Variants in CARD14 observed in about 807,000 individuals in gnomAD.
The protein encoded by CARD14 is caspase recruitment domain-containing protein 14.
In CARD14, 107 loss-of-function variants were observed where a neutral mutation model predicts 111.5. The observed-to-expected ratio is 0.96, with a 90% confidence interval of 0.82 to 1.13. CARD14 has a LOEUF of 1.13. Ranked by LOEUF, CARD14 falls within the 50% of genes most tolerant of loss-of-function variation. CARD14 has a pLI of 0.00. For missense variants in CARD14, 1,322 were observed against 1,362.3 expected (o/e 0.97, Z 0.47); for synonymous variants, 617 against 579.6 (o/e 1.06, Z -0.93).
intron 2 of CARD14, among the ~76,000 whole-genome samples, chr17:80,174,317 A>T (rs187663196): frequency 0.01 from 1,586 of 152,220 alleles, 104 homozygotes; most frequent in Admixed American, 0.088. Context: ...GGTTTAAGCG[A>T]TTCTCCTGCC....
chr17:80,205,832 C>T (rs1005237048), intron 22 of CARD14, 180 bp downstream of exon 22: 10 of 550,868 alleles, frequency 1.8e-5, no homozygotes, highest in African/African-American at 1.2e-4. Context: ...TTAGGATCCA[C>T]GTGACTGTGG....
Position 80,195,747 on chromosome 17 carries a change from G to A in CARD14, c.1594+95G>A, listed in dbSNP as rs1488669175. 2 of 1,044,958 alleles carry A rather than the reference G, an allele frequency of 1.9e-6. No homozygotes were observed. Among genetic ancestry groups the A allele is most frequent in the African/African-American group, 3.2e-5 (2 of 62,186 alleles). The allele number at this position is 1,044,958 out of a possible 1,614,324, so 64.7% of individuals were successfully genotyped here. On this transcript the variant is annotated intron_variant, in intron 14 of 23. Coordinates refer to ENST00000648509, the MANE Select transcript of CARD14 (RefSeq NM_001366385.1). The surrounding 1 kb of genome is among the most constrained non-coding windows in gnomAD (Gnocchi z 4.7). ...AAGCCGGGGCCTCTCTCCAGGGAAA[G>A]GGCAGATAGAAGCAGAGCTCAACTT...
In CARD14 at chr17:80,198,428, G is replaced by T; in HGVS notation, c.1688G>T (p.Arg563Leu). The change falls in exon 16 of 24, where the codon CGC becomes CTC. Residue 563 changes from arginine (R) to leucine (L), a missense_variant. Transcript: ENST00000648509. This position sits in a 1 kb window ranked among gnomAD's most constrained non-coding sequence, Gnocchi z 7.5. ...GTCCTCATGCGGCGGAGGCCAGCCC[G>T]CAGGATCCTGAGCCAGGTCACCATG... Reference protein sequence around the residue: ...SGVLMRRRPARRILSQVTMLA... With the variant: ...SGVLMRRRPALRILSQVTMLA... 1.2e-6 allele frequency: 2 copies of T among 1,607,516 alleles called. No homozygotes were observed. The highest frequency in any genetic ancestry group is 1.1e-5 in the South Asian group (1 of 90,746).
chr17:80,194,924 A>C (rs1349934223), intron 12 of CARD14, among the ~76,000 whole-genome samples: 1 of 152,150 alleles, frequency 6.6e-6, no homozygotes, highest in Non-Finnish European at 1.5e-5. Flanking sequence ...GTGCCACCTT[A>C]CAGATTTATC....
chr17:80,198,564 C>T lies in CARD14; in HGVS notation c.1824C>T (p.Ala608=), dbSNP rs1003003369. The T allele has an allele frequency of 6.2e-7, 1 of 1,612,784 alleles. No homozygotes were observed. The part of the protein sequence containing the change: ...VTPGSAADQM[A]LRPGTQIVMV... ...CGGGCTCGGCGGCGGACCAGATGGCCTTGCGCCCGGGCACCCAGATTGTGA... is the reference window on the plus strand; with the variant it reads ...CGGGCTCGGCGGCGGACCAGATGGCTTTGCGCCCGGGCACCCAGATTGTGA... Residue 608 remains alanine (A), a synonymous_variant, in exon 16 of 24, where the codon GCC becomes GCT. Coordinates refer to ENST00000648509, the MANE Select transcript of CARD14 (RefSeq NM_001366385.1). This position sits in a 1 kb window ranked among gnomAD's most constrained non-coding sequence, Gnocchi z 7.5.
At position 80,189,714 on chromosome 17, in the gene CARD14, G is replaced by T. The variant is rs146884503; in HGVS notation, c.844-39G>T. 2.9e-4 allele frequency: 439 copies of T among 1,512,822 alleles called. 3 individuals carry two copies. The African/African-American group carries it at 5.7e-3, about 20-fold the overall frequency. The allele number at this position is 1,512,822 out of a possible 1,614,324, so 93.7% of individuals were successfully genotyped here. ...TCTGCTTGCCTAGGGCAGGCCTCTG[G>T]GGAAGCCAGCACCCCAGGCTGACCT... On this transcript the variant is annotated intron_variant, in intron 8 of 23. Coordinates refer to ENST00000648509, the MANE Select transcript of CARD14 (RefSeq NM_001366385.1). The surrounding 1 kb of genome is among the most constrained non-coding windows in gnomAD (Gnocchi z 4.7).
intron 1 of CARD14, among the ~76,000 whole-genome samples, chr17:80,172,453 C>A (rs1447988910): frequency 6.6e-6 from 1 of 152,210 alleles, no homozygotes; most frequent in Non-Finnish European, 1.5e-5. Context: ...GACTTCCTCC[C>A]GCTTTCCTTC....
At position 80,198,544 on chromosome 17, in the gene CARD14, T is replaced by C. The variant is rs1194616789; in HGVS notation, c.1804T>C (p.Ser602Pro). Residue 602 changes from serine (S) to proline (P), a missense_variant, in exon 16 of 24, where the codon TCG becomes CCG. Ser to Pro is a moderately conservative substitution (Grantham distance 74, BLOSUM62 -1). Coordinates refer to ENST00000648509, the MANE Select transcript of CARD14 (RefSeq NM_001366385.1). This position sits in a 1 kb window ranked among gnomAD's most constrained non-coding sequence, Gnocchi z 7.5. ...CTTCATCCACCGGGTCACCCCGGGC[T>C]CGGCGGCGGACCAGATGGCCTTGCG... Reference protein sequence around the residue: ...GIFIHRVTPGSAADQMALRPG... With the variant: ...GIFIHRVTPGPAADQMALRPG... 1.2e-6 allele frequency: 2 copies of C among 1,613,152 alleles called. No homozygotes were observed. Among genetic ancestry groups the C allele is most frequent in the South Asian group, 2.2e-5 (2 of 91,058 alleles).
At chr17:80,172,817 T>A (rs1233361664) in intron 1 of CARD14, 89 bp from the exon 2 acceptor site, 3 of 151,810 alleles carry the variant, frequency 2.0e-5, no homozygotes, top group Non-Finnish European at 4.4e-5. Context: ...TTTATTGTTT[T>A]CTAAAATAAT....
Position 80,203,833 on chromosome 17 carries a change from A to G in CARD14, c.2231A>G (p.Gln744Arg). 1 of 1,583,544 alleles carries G rather than the reference A, an allele frequency of 6.3e-7. No homozygotes were observed. The highest frequency in any genetic ancestry group is 1.3e-5 in the African/African-American group (1 of 74,752). The change falls in exon 19 of 24, where the codon CAG (glutamine) becomes CGG (arginine). Residue 744 changes from glutamine (Q) to arginine (R), a missense_variant. Transcript: ENST00000648509. The surrounding 1 kb of genome is among the most constrained non-coding windows in gnomAD (Gnocchi z 4.6). ...GCTGGTCTCTGCAGGGCTCAGCAGCAGCTCATAGCCCTCATCCAGGACATG... is the reference window on the plus strand; with the variant it reads ...GCTGGTCTCTGCAGGGCTCAGCAGCGGCTCATAGCCCTCATCCAGGACATG... ...TIPNYSRAQQQLIALIQDMTQ... is the reference protein window; with the variant it reads ...TIPNYSRAQQRLIALIQDMTQ...
chr17:80,172,697 G>A (rs2039929960), intron 1 of CARD14, among the ~76,000 whole-genome samples: 1 of 152,024 alleles, frequency 6.6e-6, no homozygotes, highest in Non-Finnish European at 1.5e-5. Flanking sequence ...ATTACTCCAG[G>A]ACAAGAGTCA....
chr17:80,190,537 C>T lies in CARD14; in HGVS notation c.964-237C>T, dbSNP rs1278865602. On this transcript the variant is annotated intron_variant, in intron 9 of 23. Transcript: ENST00000648509. ...CTGAGGCACGAGAATCGCTTGAACC[C>T]GGGAAGCAGAGGTTGCAGCGAGCCG... 4.0e-5 allele frequency among the ~76,000 whole-genome samples: 6 copies of T among 151,398 alleles called. No homozygotes were observed. The South Asian group carries it at 6.3e-4, about 16-fold the overall frequency.
Position 80,203,859 on chromosome 17 carries a change from A to G in CARD14, c.2257A>G (p.Thr753Ala), listed in dbSNP as rs528408567. The change falls in exon 19 of 24, where the codon ACT (threonine) becomes GCT (alanine). Residue 753 changes from threonine (T) to alanine (A), a missense_variant. Thr to Ala is a moderately conservative substitution (Grantham distance 58). Transcript: ENST00000648509. The surrounding 1 kb of genome is among the most constrained non-coding windows in gnomAD (Gnocchi z 4.6). ...QQLIALIQDMTQQCTVTRKPS... is the reference protein window; with the variant it reads ...QQLIALIQDMAQQCTVTRKPS... ...GCTCATAGCCCTCATCCAGGACATG[A>G]CTCAGCAGTGCACCGTGACCCGCAA... 27 of 1,595,582 alleles carry G rather than the reference A, an allele frequency of 1.7e-5. No individual in the cohort carries two copies. The highest frequency in any genetic ancestry group is 2.3e-5 in the Non-Finnish European group (27 of 1,172,206).
At chr17:80,207,134 C>T in intron 23 of CARD14, 49 bp downstream of exon 23, 1 of 1,406,374 alleles carries the variant, frequency 7.1e-7, no homozygotes, top group Non-Finnish European at 1.0e-6. Flanking sequence ...GGCTCCTGGG[C>T]TCCCCCAAAG....
rs1307316161 is a variant in CARD14 at position 80,201,950 on chromosome 17, C to T, written c.1978+80C>T. 9.4e-6 allele frequency: 14 copies of T among 1,495,732 alleles called. No individual in the cohort carries two copies. The highest frequency in any genetic ancestry group is 4.5e-5 in the East Asian group (2 of 43,964). 92.7% of individuals were successfully genotyped at this position (1,495,732 alleles called of 1,614,324 possible). A position where few individuals can be genotyped will look rare whatever the true frequency, so the allele number is the denominator to read the frequency against. Reference sequence around the variant, plus strand: ...TTAAGTCCCTGGTGGTTCTTCTGCACGCCCAGCAGCCAGGGACCCCCAGAG... The same window carrying T: ...TTAAGTCCCTGGTGGTTCTTCTGCATGCCCAGCAGCCAGGGACCCCCAGAG... On this transcript the variant is annotated intron_variant, in intron 17 of 23. Transcript: ENST00000648509. This position sits in a 1 kb window ranked among gnomAD's most constrained non-coding sequence, Gnocchi z 5.0.
At chr17:80,206,787 T>TA (rs1443432661) in intron 22 of CARD14, 183 bp from the exon 23 acceptor site, 4 of 414,696 alleles carry the variant, frequency 9.6e-6, no homozygotes, top group South Asian at 6.7e-5. Context: ...AAAATAAAAA[T>TA]AAAAAAAAGA....
Position 80,188,700 on chromosome 17 carries a change from C to T in CARD14, c.843+156C>T, listed in dbSNP as rs922620572. On this transcript the variant is annotated intron_variant, in intron 8 of 23. Coordinates refer to ENST00000648509, the MANE Select transcript of CARD14 (RefSeq NM_001366385.1). The surrounding 1 kb of genome is among the most constrained non-coding windows in gnomAD (Gnocchi z 4.5). ...TCACCCACTTTCTCTTTACCTCCTT[C>T]CTTCCTGCTGTTCCCCAGACCCCAA... The T allele has an allele frequency of 1.4e-6, 1 of 710,768 alleles. No individual in the cohort carries two copies. The highest frequency in any genetic ancestry group is 2.0e-6 in the Non-Finnish European group (1 of 501,316). 44.0% of individuals were successfully genotyped at this position (710,768 alleles called of 1,614,324 possible).
At position 80,204,342 on chromosome 17, in the gene CARD14, G is replaced by A. The variant is rs1425439345; in HGVS notation, c.2398+1G>A. 2 of 1,552,958 alleles carry A rather than the reference G, an allele frequency of 1.3e-6. No individual in the cohort carries two copies. The highest frequency in any genetic ancestry group is 1.9e-5 in the Admixed American group (1 of 53,712). On this transcript the variant is annotated splice_donor_variant, in intron 20 of 23. Transcript: ENST00000648509. LOFTEE classifies it high-confidence loss of function. ...CAGTTGGACCCCAGCAGGATGGAGG[G>A]TGAGGCCTGGTGAGCTGGCACAGGG...
chr17:80,174,245 G>T (rs1598622103), intron 2 of CARD14, among the ~76,000 whole-genome samples: 1 of 151,924 alleles, frequency 6.6e-6, no homozygotes, highest in Non-Finnish European at 1.5e-5. Flanking sequence ...TGGAGTCTCG[G>T]TCTGTCTCCC....
Sources: allele counts gnomAD v4.1 joint callset (sites outside exome capture counted in the v4.1 genomes callset), GRCh38; gene constraint gnomAD v4.1.1; non-coding constraint Gnocchi (gnomAD v3.1); transcripts MANE v1.5; gene names NCBI Gene and HGNC (gene_info 2026-07-23, HGNC 2026-07-21).